Variants in CYTH4 observed in about 807,000 individuals in gnomAD.
CYTH4 encodes cytohesin 4, also known as cytohesin-4.
Under a neutral mutation model 57.5 loss-of-function variants are expected in CYTH4, and 22 were observed. The ratio of observed to expected loss-of-function variants is 0.38; its 90% CI spans 0.27 to 0.55. The LOEUF is 0.55. Ranked by LOEUF, CYTH4 falls within the 20% of genes least tolerant of loss-of-function variation. The pLI, the probability that CYTH4 is intolerant of heterozygous loss-of-function variation, is 0.74. For missense variants in CYTH4, 420 were observed against 535.6 expected (o/e 0.78, Z 2.13); for synonymous variants, 186 against 206.5 (o/e 0.90, Z 0.85).
chr22:37,298,513 G>C lies in CYTH4; in HGVS notation c.354-713G>C, dbSNP rs922026565. On this transcript the variant is annotated intron_variant, in intron 5 of 12. Coordinates refer to ENST00000248901, the MANE Select transcript of CYTH4 (RefSeq NM_013385.5). This position sits in a 1 kb window ranked among gnomAD's most constrained non-coding sequence, Gnocchi z 4.1. ...TTTGACCAAAACGTAAAAGAGGTGA[G>C]GGCATGAGCAGTACAGACATCTGGG... 6.5e-6 allele frequency: 1 copy of C among 154,340 alleles called. No homozygotes were observed. Among genetic ancestry groups the C allele is most frequent in the Non-Finnish European group, 1.4e-5 (1 of 69,258 alleles). The allele number at this position is 154,340 out of a possible 1,614,324, so 9.6% of individuals were successfully genotyped here.
At chr22:37,302,404 T>C (rs957584176) in intron 7 of CYTH4, among the ~76,000 whole-genome samples, 2 of 152,206 alleles carry the variant, frequency 1.3e-5, no homozygotes, top group African/African-American at 4.8e-5. Context: ...TTCCTGTGCC[T>C]CGGTTTCCTC....
At chr22:37,309,145 G>A in intron 8 of CYTH4, 67 bp from the exon 9 acceptor site, 1 of 1,431,846 alleles carries the variant, frequency 7.0e-7, no homozygotes, top group Non-Finnish European at 9.8e-7. Context: ...CACAGGCCAG[G>A]CCAGGCCTAG....
In CYTH4 at chr22:37,308,784, ATG is replaced by A. The variant is rs200574962; in HGVS notation, c.697-421_697-420del. 4.9e-4 allele frequency among the ~76,000 whole-genome samples: 73 copies of A among 148,148 alleles called. 1 individual carries two copies. Among genetic ancestry groups the A allele is most frequent in the African/African-American group, 1.7e-3 (69 of 39,652 alleles). ...TGTGTGAGCGTGCCTGCATGTGTGT[ATG>A]TGTGTGAACATGCATGTGTGTGCAT... On this transcript the variant is annotated intron_variant, in intron 8 of 12. Coordinates refer to ENST00000248901, the MANE Select transcript of CYTH4 (RefSeq NM_013385.5).
chr22:37,313,607 GC>G lies in CYTH4; in HGVS notation c.*98del. On this transcript the variant is annotated 3_prime_UTR_variant, in exon 13 of 13. Transcript: ENST00000248901. ...CTCCCACCCCAGTGCACTCTTTTGG[GC>G]CACAGACATCATTGCTGTTCCCCGT... 1 of 1,121,932 alleles carries G rather than the reference GC, an allele frequency of 8.9e-7. No individual in the cohort carries two copies. Among genetic ancestry groups the G allele is most frequent in the Non-Finnish European group, 1.3e-6 (1 of 743,616 alleles). The allele number at this position is 1,121,932 out of a possible 1,614,324, so 69.5% of individuals were successfully genotyped here.
intron 12 of CYTH4, among the ~76,000 whole-genome samples, chr22:37,312,606 C>T (rs55690598): frequency 0.04 from 6,128 of 152,280 alleles, 137 homozygotes; most frequent in Non-Finnish European, 0.056. Flanking sequence ...CACAGCATCC[C>T]GGAGTCCGAG....
intron 1 of CYTH4, 24 bp from the exon 2 acceptor site, chr22:37,292,597 G>A (rs1928786949): frequency 6.2e-7 from 1 of 1,612,100 alleles, no homozygotes; most frequent in Non-Finnish European, 8.5e-7. Context: ...CAAGTGATGG[G>A]GAAGGCCGGT....
chr22:37,286,770 A>T (rs946035727), intron 1 of CYTH4, among the ~76,000 whole-genome samples: 1 of 152,104 alleles, frequency 6.6e-6, no homozygotes. Flanking sequence ...GGAGGGGCAC[A>T]GTGTGAGAGG....
Position 37,313,917 on chromosome 22 carries a change from A to G in CYTH4, c.*406A>G. The G allele has an allele frequency of 4.1e-6, 1 of 242,348 alleles. No homozygotes were observed. The highest frequency in any genetic ancestry group is 8.0e-6 in the Non-Finnish European group (1 of 124,516). 15.0% of individuals were successfully genotyped at this position (242,348 alleles called of 1,614,324 possible). ...CGTAGGAGGGGCCGTGGGGTCCCTA[A>G]GTGATTCTTCTCCCTGGCAAGGCTC... On this transcript the variant is annotated 3_prime_UTR_variant, in exon 13 of 13. Coordinates refer to ENST00000248901, the MANE Select transcript of CYTH4 (RefSeq NM_013385.5).
rs5756606 is a variant in CYTH4 at position 37,314,473 on chromosome 22, T to C, written c.*962T>C. The C allele has an allele frequency of 0.39, 155,890 of 398,484 alleles. 31,424 individuals are homozygous for C. The highest frequency in any genetic ancestry group is 0.66 in the South Asian group (5,159 of 7,858). The allele number at this position is 398,484 out of a possible 1,614,324, so 24.7% of individuals were successfully genotyped here. On this transcript the variant is annotated 3_prime_UTR_variant, in exon 13 of 13. Transcript: ENST00000248901. ...CGTGCACTGTGGTTAACAGGAGGGC[T>C]GCCTGGAGGCAGTGGCTGAGCCAGA...
chr22:37,283,517 C>A (rs1928437906), intron 1 of CYTH4, among the ~76,000 whole-genome samples: 1 of 152,162 alleles, frequency 6.6e-6, no homozygotes, highest in Admixed American at 6.5e-5. Context: ...TTCAAACGCA[C>A]CTAATGTGGA....
chr22:37,310,559 C>T (rs1395991471), intron 9 of CYTH4, among the ~76,000 whole-genome samples: 1 of 152,214 alleles, frequency 6.6e-6, no homozygotes, highest in Non-Finnish European at 1.5e-5. Context: ...TAACAATGGT[C>T]TCCTCTTCAT....
Position 37,313,676 on chromosome 22 carries a change from G to C in CYTH4, c.*165G>C. ...AGAGGGGAAGGCAGAGCTCAGGAGG[G>C]TGGGTGGGAGCTGCAGTGGGCTCAG... On this transcript the variant is annotated 3_prime_UTR_variant, in exon 13 of 13. Coordinates refer to ENST00000248901, the MANE Select transcript of CYTH4 (RefSeq NM_013385.5). 1.5e-6 allele frequency: 1 copy of C among 675,694 alleles called. No homozygotes were observed. The highest frequency in any genetic ancestry group is 2.8e-5 in the East Asian group (1 of 36,312). 41.9% of individuals were successfully genotyped at this position (675,694 alleles called of 1,614,324 possible).
At chr22:37,301,486 C>T (rs745682429) in intron 7 of CYTH4, among the ~76,000 whole-genome samples, 1 of 151,902 alleles carries the variant, frequency 6.6e-6, no homozygotes, top group Non-Finnish European at 1.5e-5. Flanking sequence ...GAAGGAGATA[C>T]ATAAAGGTCA....
chr22:37,283,628 G>GC lies in CYTH4; in HGVS notation c.19+1047dup, dbSNP rs56023227. Among the ~76,000 whole-genome samples the GC allele has an allele frequency of 5.0e-3, 751 of 151,396 alleles. 4 individuals are homozygous for GC. Among genetic ancestry groups the GC allele is most frequent in the Middle Eastern group, 0.02 (6 of 294 alleles). On this transcript the variant is annotated intron_variant, in intron 1 of 12. Coordinates refer to ENST00000248901, the MANE Select transcript of CYTH4 (RefSeq NM_013385.5). ...AGAGAACCACTGATCCATTTCAACA[G>GC]CCCCCCCAGTGGCAGAAGGGAGAAA...
intron 12 of CYTH4, among the ~76,000 whole-genome samples, chr22:37,312,673 G>A (rs764240851): frequency 3.3e-5 from 5 of 152,252 alleles, no homozygotes; most frequent in Non-Finnish European, 5.9e-5. Context: ...CACAGCCACC[G>A]TGGTGAAGAG....
rs773973888 is a variant in CYTH4, at chr22:37,292,677, C to T, written c.76C>T (p.Arg26Ter). Residue 26 changes from arginine to a stop codon, truncating the protein, a stop_gained, in exon 2 of 13, where the codon CGA (arginine) becomes TGA (stop). Transcript: ENST00000248901. LOFTEE classifies it high-confidence loss of function. Reference sequence around the variant, plus strand: ...AGAGTTACAGAGGATCAAGTGGCACCGAAAGCAGCTCCTGGAGGACATCCA... The same window carrying T: ...AGAGTTACAGAGGATCAAGTGGCACTGAAAGCAGCTCCTGGAGGACATCCA... ...TEELQRIKWHRKQLLEDIQKL... is the reference protein window; with the variant it reads ...TEELQRIKWH 5 of 1,613,646 alleles carry T rather than the reference C, an allele frequency of 3.1e-6. No individual in the cohort carries two copies. Among genetic ancestry groups the T allele is most frequent in the East Asian group, 2.2e-5 (1 of 44,896 alleles).
chr22:37,291,574 A>G (rs1331731352), intron 1 of CYTH4, among the ~76,000 whole-genome samples: 1 of 152,204 alleles, frequency 6.6e-6, no homozygotes, highest in African/African-American at 2.4e-5. Context: ...TGAGTCCTGG[A>G]TGGCTCTGGA....
At chr22:37,299,113 C>T in intron 5 of CYTH4, 113 bp from the exon 6 acceptor site, 1 of 751,482 alleles carries the variant, frequency 1.3e-6, no homozygotes, top group Non-Finnish European at 2.4e-6. Context: ...CAGCTGGACC[C>T]CAGAAGGACA....
chr22:37,300,980 C>T lies in CYTH4; in HGVS notation c.508C>T (p.Arg170Ter), dbSNP rs768254975. 1.2e-6 allele frequency: 2 copies of T among 1,614,174 alleles called. No individual in the cohort carries two copies. Among genetic ancestry groups the T allele is most frequent in the Non-Finnish European group, 1.7e-6 (2 of 1,180,028 alleles). Residue 170 changes from arginine to a stop codon, truncating the protein, a stop_gained, in exon 7 of 13, where the codon CGA becomes TGA. Coordinates refer to ENST00000248901, the MANE Select transcript of CYTH4 (RefSeq NM_013385.5). LOFTEE classifies it high-confidence loss of function. The stretch of plus-strand genomic sequence containing the variant: ...CCGGATGATGGAGGCCTTTGCCACT[C>T]GATACTGCCTCTGCAACCCAGGCGT... ...IDRMMEAFATRYCLCNPGVFQ... is the reference protein window; with the variant it reads ...IDRMMEAFAT
Sources: gnomAD v4.1 joint callset for allele counts (sites outside exome capture counted in the v4.1 genomes callset) on GRCh38, gnomAD v4.1.1 for gene constraint, Gnocchi (gnomAD v3.1) non-coding constraint, MANE v1.5 for transcripts, NCBI Gene and HGNC (gene_info 2026-07-23, HGNC 2026-07-21) for gene names.